Variants in CHD7 observed in about 807,000 individuals in gnomAD.
CHD7 encodes the protein ATP-dependent chromatin remodeler CHD7.
CHD7 carries 24 observed loss-of-function variants against 307.3 expected under a neutral mutation model. The observed-to-expected ratio is 0.08, with a 90% CI of 0.06 to 0.11. CHD7 has a LOEUF of 0.11. Among genes scored for constraint, CHD7 ranks in the 10% least tolerant of loss-of-function variants. CHD7 has a pLI of 1.00. For synonymous variants in CHD7, 1,363 were observed against 1,349.9 expected (o/e 1.01, Z -0.21); for missense variants, 3,106 against 3,727.1 (o/e 0.83, Z 4.34).
chr8:60,778,465 C>T (rs2150663500), intron 2 of CHD7, among the ~76,000 whole-genome samples: 1 of 152,272 alleles, frequency 6.6e-6, no homozygotes, highest in South Asian at 2.1e-4. Flanking sequence ...GATTTGCATG[C>T]TAAAGTGTGT....
chr8:60,732,404 A>T (rs967598425), intron 1 of CHD7, among the ~76,000 whole-genome samples: 1 of 152,104 alleles, frequency 6.6e-6, no homozygotes, highest in Non-Finnish European at 1.5e-5. Context: ...CCCTTGCCTC[A>T]CCTCTGCATC....
intron 1 of CHD7, among the ~76,000 whole-genome samples, chr8:60,713,942 C>T (rs577070997): frequency 6.6e-6 from 1 of 152,306 alleles, no homozygotes; most frequent in African/African-American, 2.4e-5. Flanking sequence ...TCCCAATCCC[C>T]GTTTTCTTTC....
At chr8:60,791,697 G>A (rs1168494062) in intron 3 of CHD7, among the ~76,000 whole-genome samples, 1 of 152,230 alleles carries the variant, frequency 6.6e-6, no homozygotes, top group East Asian at 1.9e-4. Context: ...GTGTGAGGGT[G>A]ATGAGGCAGT....
intron 8 of CHD7, 129 bp downstream of exon 8, chr8:60,816,630 A>G: frequency 1.6e-6 from 1 of 607,672 alleles, no homozygotes; most frequent in East Asian, 2.9e-5. Context: ...CATATTGGTA[A>G]CTGGTTCTTG....
intron 1 of CHD7, among the ~76,000 whole-genome samples, chr8:60,713,973 A>G (rs7011972): frequency 0.77 from 117,749 of 152,026 alleles, 45,932 homozygotes; most frequent in East Asian, 0.94. Context: ...GATAGCAGAC[A>G]TAAATAATCT....
chr8:60,801,524 T>A lies in CHD7; in HGVS notation c.2377-4T>A. ...TGGATTGATGCACATGCCTTTTTTTTTAGGAATCTGTTGATGCAGAAGGCC... is the reference window on the plus strand; with the variant it reads ...TGGATTGATGCACATGCCTTTTTTTATAGGAATCTGTTGATGCAGAAGGCC... On this transcript the variant is annotated splice_polypyrimidine_tract_variant and splice_region_variant and intron_variant, in intron 5 of 37. Coordinates refer to ENST00000423902, the MANE Select transcript of CHD7 (RefSeq NM_017780.4). 3.2e-6 allele frequency: 5 copies of A among 1,565,446 alleles called. No individual in the cohort carries two copies. The highest frequency in any genetic ancestry group is 4.3e-6 in the Non-Finnish European group (5 of 1,153,328).
intron 1 of CHD7, among the ~76,000 whole-genome samples, chr8:60,698,709 C>G (rs753674636): frequency 6.6e-6 from 1 of 152,200 alleles, no homozygotes; most frequent in African/African-American, 2.4e-5. Flanking sequence ...GTAAAGAGAA[C>G]ATGGAAATGA....
intron 21 of CHD7, among the ~76,000 whole-genome samples, chr8:60,844,030 T>C (rs537130399): frequency 6.6e-6 from 1 of 152,324 alleles, no homozygotes; most frequent in East Asian, 1.9e-4. Context: ...GGGCTGTTCA[T>C]ACCATGAGCA....
At chr8:60,681,338 C>T (rs1439451216) in intron 1 of CHD7, among the ~76,000 whole-genome samples, 1 of 152,160 alleles carries the variant, frequency 6.6e-6, no homozygotes, top group Non-Finnish European at 1.5e-5. Flanking sequence ...TTTTGTCTTG[C>T]TGTTGCACAA....
Position 60,850,639 on chromosome 8 carries a change from A to G in CHD7, c.5534+17A>G. 1 of 1,600,710 alleles carries G rather than the reference A, an allele frequency of 6.2e-7. No homozygotes were observed. The highest frequency in any genetic ancestry group is 1.1e-5 in the South Asian group (1 of 88,776). The stretch of plus-strand genomic sequence containing the variant: ...TGGTGACGGGTAAGAAGGACATTTT[A>G]AAATTTGAATAAACTTTATGTCAGT... On this transcript the variant is annotated intron_variant, in intron 26 of 37. Coordinates refer to ENST00000423902, the MANE Select transcript of CHD7 (RefSeq NM_017780.4).
intron 19 of CHD7, among the ~76,000 whole-genome samples, chr8:60,839,209 C>G (rs983408874): frequency 6.6e-6 from 1 of 152,198 alleles, no homozygotes; most frequent in African/African-American, 2.4e-5. Flanking sequence ...TCTTTTGTGT[C>G]TGACTTCATT....
At chr8:60,744,824 C>T (rs1289602326) in intron 2 of CHD7, among the ~76,000 whole-genome samples, 1 of 151,010 alleles carries the variant, frequency 6.6e-6, no homozygotes, top group East Asian at 2.0e-4. Context: ...CACTTCACTC[C>T]AGCCTGGGCA....
intron 1 of CHD7, among the ~76,000 whole-genome samples, chr8:60,727,484 A>T (rs141589294): frequency 1.1e-3 from 160 of 152,316 alleles, no homozygotes; most frequent in Middle Eastern, 3.4e-3. Flanking sequence ...GAGAGTTAAT[A>T]TCCAACTTGT....
chr8:60,816,043 C>T (rs1200654770), intron 7 of CHD7, among the ~76,000 whole-genome samples: 1 of 152,028 alleles, frequency 6.6e-6, no homozygotes, highest in Non-Finnish European at 1.5e-5. Context: ...ATAATCCATT[C>T]ACTTATGGAA....
At chr8:60,765,074 C>T (rs1449786199) in intron 2 of CHD7, among the ~76,000 whole-genome samples, 2 of 152,170 alleles carry the variant, frequency 1.3e-5, no homozygotes, top group African/African-American at 2.4e-5. Context: ...TGAGCAGCTG[C>T]AGTACCCAGA....
intron 3 of CHD7, among the ~76,000 whole-genome samples, chr8:60,791,138 G>T (rs1233495452): frequency 6.6e-6 from 1 of 152,164 alleles, no homozygotes; most frequent in Non-Finnish European, 1.5e-5. Flanking sequence ...TGGTTACTCT[G>T]GTGACTTGAG....
intron 1 of CHD7, among the ~76,000 whole-genome samples, chr8:60,730,663 A>G (rs1234728919): frequency 6.6e-6 from 1 of 152,208 alleles, no homozygotes; most frequent in Non-Finnish European, 1.5e-5. Flanking sequence ...GATCAAGACC[A>G]TCCTGGCTAA....
intron 1 of CHD7, among the ~76,000 whole-genome samples, chr8:60,682,386 T>C (rs1298421683): frequency 6.6e-6 from 1 of 152,248 alleles, no homozygotes; most frequent in Non-Finnish European, 1.5e-5. Context: ...TAATATGTTA[T>C]AGTTTTTAAG....
At chr8:60,858,152 A>T (rs1805798414) in intron 34 of CHD7, among the ~76,000 whole-genome samples, 1 of 152,238 alleles carries the variant, frequency 6.6e-6, no homozygotes, top group African/African-American at 2.4e-5. Context: ...GCTACTCAGG[A>T]TGCTGAGGCA....
Sources: allele counts gnomAD v4.1 joint callset (sites outside exome capture counted in the v4.1 genomes callset), GRCh38; gene constraint gnomAD v4.1.1; transcripts MANE v1.5; gene names NCBI Gene and HGNC (gene_info 2026-07-23, HGNC 2026-07-21).